Variants in ARHGAP6 observed in about 807,000 individuals in gnomAD.
ARHGAP6 encodes the protein rho GTPase-activating protein 6.
In ARHGAP6, 16 loss-of-function variants were observed where a neutral mutation model predicts 55.7. That is an observed-to-expected ratio of 0.29 (90% CI 0.19 to 0.44). The LOEUF is 0.44. ARHGAP6 is among the 20% of genes least tolerant of loss of function. The probability of loss-of-function intolerance (pLI) is 1.00; values close to 1 mark genes in which losing one functional copy is unlikely to be tolerated. For missense variants in ARHGAP6, 698 were observed against 808.9 expected, an observed-to-expected ratio of 0.86 and a Z score of 1.66; for synonymous variants, 382 against 360.9, an observed-to-expected ratio of 1.06 and a Z score of -0.66.
At chrX:11,241,758 T>C (rs756925761) in intron 2 of ARHGAP6, among the ~76,000 whole-genome samples, 8 of 111,880 alleles carry the variant, frequency 7.2e-5, no homozygotes, top group South Asian at 3.8e-4. Context: ...TAAGTCCCAG[T>C]GAATTAAACA....
intron 1 of ARHGAP6, among the ~76,000 whole-genome samples, chrX:11,336,589 A>T (rs1247037256): frequency 1.8e-5 from 2 of 111,921 alleles, no homozygotes; most frequent in African/African-American, 6.5e-5. Flanking sequence ...AATTGGCCAA[A>T]CTTGAAACCA....
At chrX:11,529,513 T>G (rs1205858865) in intron 1 of ARHGAP6, among the ~76,000 whole-genome samples, 1 of 112,429 alleles carries the variant, frequency 8.9e-6, no homozygotes, top group Non-Finnish European at 1.9e-5. Flanking sequence ...TGTTTACTCT[T>G]GCTTGATTTG....
At chrX:11,384,611 A>G (rs1229552247) in intron 1 of ARHGAP6, among the ~76,000 whole-genome samples, 1 of 112,348 alleles carries the variant, frequency 8.9e-6, no homozygotes, top group African/African-American at 3.2e-5. Context: ...AGACAATACA[A>G]TGTTGCATAG....
At chrX:11,630,901 C>T (rs991854512) in intron 1 of ARHGAP6, among the ~76,000 whole-genome samples, 3 of 111,353 alleles carry the variant, frequency 2.7e-5, no homozygotes, top group African/African-American at 9.8e-5. Flanking sequence ...ATTTCCTCAT[C>T]GCTAAAATTG....
Position 11,386,836 on chromosome X carries a change from G to T in ARHGAP6, c.589-132129C>A, listed in dbSNP as rs754166020. Among the ~76,000 whole-genome samples the T allele has an allele frequency of 8.9e-5, 10 of 111,974 alleles. No homozygotes were observed. In the East Asian group the frequency reaches 2.8e-3, roughly 31 times the overall value. Reference sequence around the variant, plus strand: ...AAAGAAATAGAGGCAAGTGATGGTGGTAAACATAGACAGGAACTGCGTATA... The same window carrying T: ...AAAGAAATAGAGGCAAGTGATGGTGTTAAACATAGACAGGAACTGCGTATA... On this transcript the variant is annotated intron_variant, in intron 1 of 12. Coordinates refer to ENST00000337414, the MANE Select transcript of ARHGAP6 (RefSeq NM_013427.3).
At chrX:11,539,507 G>A (rs1332025260) in intron 1 of ARHGAP6, among the ~76,000 whole-genome samples, 1 of 111,914 alleles carries the variant, frequency 8.9e-6, no homozygotes, top group Non-Finnish European at 1.9e-5. Flanking sequence ...ATTCTGCAGA[G>A]TTGCCTACCC....
chrX:11,279,947 T>C (rs1182307120), intron 1 of ARHGAP6, among the ~76,000 whole-genome samples: 1 of 111,551 alleles, frequency 9.0e-6, no homozygotes, highest in Non-Finnish European at 1.9e-5. Context: ...AGCTTAGTAG[T>C]CCTCTACTGG....
intron 1 of ARHGAP6, among the ~76,000 whole-genome samples, chrX:11,409,366 T>C (rs2049652434): frequency 1.8e-5 from 2 of 111,879 alleles, no homozygotes; most frequent in Admixed American, 9.5e-5. Context: ...TGGATATCTA[T>C]GTCAAGTGTT....
chrX:11,441,043 G>A (rs1277996617), intron 1 of ARHGAP6, among the ~76,000 whole-genome samples: 4 of 111,446 alleles, frequency 3.6e-5, no homozygotes, highest in African/African-American at 1.3e-4. Context: ...CGACCCTTAG[G>A]AAAGAACAAA....
chrX:11,596,390 G>C (rs2051903474), intron 1 of ARHGAP6, among the ~76,000 whole-genome samples: 1 of 111,145 alleles, frequency 9.0e-6, no homozygotes, highest in African/African-American at 3.3e-5. Flanking sequence ...CATGGACATA[G>C]GGAGGGGAAC....
intron 2 of ARHGAP6, among the ~76,000 whole-genome samples, chrX:11,204,674 G>GGTA (rs2046679049): frequency 9.0e-6 from 1 of 111,580 alleles, no homozygotes; most frequent in African/African-American, 3.3e-5. Context: ...CACAAGTATG[G>GGTA]GTAGCCCTGT....
Position 11,296,856 on chromosome X carries a change from T to C in ARHGAP6, c.589-42149A>G, listed in dbSNP as rs201968803. On this transcript the variant is annotated intron_variant, in intron 1 of 12. Transcript: ENST00000337414. ...TTTTTCTCTTTACTAATTTTGACCATTGTTTGCGTTAACAATGCCCTGGGC... is the reference window on the plus strand; with the variant it reads ...TTTTTCTCTTTACTAATTTTGACCACTGTTTGCGTTAACAATGCCCTGGGC... 8 of 1,193,394 alleles carry C rather than the reference T, an allele frequency of 6.7e-6. No homozygotes were observed. The East Asian group carries it at 1.8e-4, about 27-fold the overall frequency.
At chrX:11,616,784 G>A (rs2052170843) in intron 1 of ARHGAP6, among the ~76,000 whole-genome samples, 1 of 111,774 alleles carries the variant, frequency 8.9e-6, no homozygotes, top group Non-Finnish European at 1.9e-5. Flanking sequence ...TTTTTTGGTT[G>A]TCACAACTGG....
intron 1 of ARHGAP6, among the ~76,000 whole-genome samples, chrX:11,515,085 C>A (rs1055982852): frequency 4.5e-5 from 5 of 111,773 alleles, no homozygotes; most frequent in Non-Finnish European, 9.4e-5. Flanking sequence ...TACACAGGCT[C>A]AGCAACAGTA....
intron 1 of ARHGAP6, among the ~76,000 whole-genome samples, chrX:11,345,636 G>A (rs961926870): frequency 8.9e-6 from 1 of 111,768 alleles, no homozygotes; most frequent in African/African-American, 3.3e-5. Context: ...GGATGGGGAG[G>A]CCAGCTGGGG....
chrX:11,532,217 T>C (rs1247071150), intron 1 of ARHGAP6, among the ~76,000 whole-genome samples: 1 of 112,607 alleles, frequency 8.9e-6, no homozygotes, highest in African/African-American at 3.2e-5. Flanking sequence ...ACTTTATACA[T>C]ACGTACCGAG....
At chrX:11,649,337 C>A (rs931627829) in intron 1 of ARHGAP6, among the ~76,000 whole-genome samples, 7 of 112,019 alleles carry the variant, frequency 6.2e-5, no homozygotes, top group Non-Finnish European at 1.1e-4. Context: ...AAGAACTACC[C>A]AGCTGAGCTG....
intron 3 of ARHGAP6, among the ~76,000 whole-genome samples, chrX:11,196,016 C>T (rs56295387): frequency 0.012 from 1,201 of 100,716 alleles, 13 homozygotes; most frequent in Middle Eastern, 0.044. Flanking sequence ...CGCCTGTAGT[C>T]CCAGCTACTC....
rs758166695 is a variant in ARHGAP6, at chrX:11,503,806, G to A, written c.588+160435C>T. ...ACCTAATGTTATACTGTCTGCTACC[G>A]TTTTAGTAGAGAATTTAGACCAGAA... On this transcript the variant is annotated intron_variant, in intron 1 of 12. Transcript: ENST00000337414. Among the ~76,000 whole-genome samples the A allele has an allele frequency of 9.9e-5, 11 of 111,181 alleles. No individual in the cohort carries two copies. The Middle Eastern group carries it at 0.018, about 185-fold the overall frequency.
Sources: allele counts gnomAD v4.1 joint callset (sites outside exome capture counted in the v4.1 genomes callset), GRCh38; gene constraint gnomAD v4.1.1; transcripts MANE v1.5; gene names NCBI Gene and HGNC (gene_info 2026-07-23, HGNC 2026-07-21).